Variants in C1orf159 observed in about 807,000 individuals in gnomAD.
C1orf159 encodes chromosome 1 open reading frame 159.
Under a neutral mutation model 25.6 loss-of-function variants are expected in C1orf159, and 19 were observed. That is an observed-to-expected ratio of 0.74 (90% CI 0.52 to 1.09). C1orf159 has a LOEUF of 1.09. Ranked by LOEUF, C1orf159 falls within the 50% of genes least tolerant of loss-of-function variation. The pLI is 0.00. For missense variants in C1orf159, 274 were observed against 290.6 expected (o/e 0.94, Z 0.42); for synonymous variants, 139 against 124.7 (o/e 1.12, Z -0.77).
intron 2 of C1orf159, 159 bp from the exon 3 acceptor site, chr1:1,091,724 T>A (rs371882893): frequency 2.3e-5 from 2 of 85,220 alleles, no homozygotes; most frequent in East Asian, 3.5e-4. Flanking sequence ...TGGTGGAGGG[T>A]GGGGCCAAAT....
chr1:1,084,011 G>A (rs763076948), intron 9 of C1orf159: 11 of 1,605,888 alleles, frequency 6.8e-6, no homozygotes, highest in East Asian at 2.2e-5. Flanking sequence ...CTCGGGTGGA[G>A]CTGGACTTCA....
Position 1,087,789 on chromosome 1 carries a change from G to A in C1orf159, c.149-192C>T, listed in dbSNP as rs528584093. 9.9e-5 allele frequency among the ~76,000 whole-genome samples: 15 copies of A among 151,930 alleles called. No individual in the cohort carries two copies. Among genetic ancestry groups the A allele is most frequent in the African/African-American group, 3.6e-4 (15 of 41,404 alleles). On this transcript the variant is annotated intron_variant, in intron 4 of 9. Transcript: ENST00000421241. The surrounding 1 kb of genome is among the most constrained non-coding windows in gnomAD (Gnocchi z 8.3). The stretch of plus-strand genomic sequence containing the variant: ...CGGGGCCGTGAGCACCCCACGCTGA[G>A]TACTCCACACTGCGCACCCTGACCC...
At chr1:1,094,882 C>G (rs532746586) in intron 1 of C1orf159, among the ~76,000 whole-genome samples, 1 of 152,326 alleles carries the variant, frequency 6.6e-6, no homozygotes, top group African/African-American at 2.4e-5. Flanking sequence ...AGAAGTGTTA[C>G]AGTTTTAGCT....
Position 1,091,031 on chromosome 1 carries a change from G to A in C1orf159, c.72+441C>T, listed in dbSNP as rs201868823. The stretch of plus-strand genomic sequence containing the variant: ...GCGTCCAGGGGTGACTGCGGAGTGC[G>A]GGATAGAATCCACACCGCCAGGGAG... On this transcript the variant is annotated intron_variant, in intron 3 of 9. Coordinates refer to ENST00000421241, the MANE Select transcript of C1orf159 (RefSeq NM_017891.5). The A allele has an allele frequency of 1.7e-4, 242 of 1,437,162 alleles. 1 individual carries two copies. The highest frequency in any genetic ancestry group is 1.4e-3 in the South Asian group (109 of 79,554). The allele number at this position is 1,437,162 out of a possible 1,614,324, so 89.0% of individuals were successfully genotyped here. A position where few individuals can be genotyped will look rare whatever the true frequency, so the allele number is the denominator to read the frequency against.
chr1:1,103,331 TTG>T (rs1646128242), intron 1 of C1orf159, among the ~76,000 whole-genome samples: 1 of 152,230 alleles, frequency 6.6e-6, no homozygotes, highest in Non-Finnish European at 1.5e-5. Flanking sequence ...TTGATATCTG[TTG>T]TCTTTCCCTT....
rs570712475 is a variant in C1orf159 at position 1,097,199 on chromosome 1, C to T, written c.-135-5096G>A. Among the ~76,000 whole-genome samples, 2 of 151,408 alleles carry T rather than the reference C, an allele frequency of 1.3e-5. 1 individual carries two copies. Among genetic ancestry groups the T allele is most frequent in the East Asian group, 3.9e-4 (2 of 5,124 alleles). On this transcript the variant is annotated intron_variant, in intron 1 of 9. Coordinates refer to ENST00000421241, the MANE Select transcript of C1orf159 (RefSeq NM_017891.5). ...TCGGCTCACTGCAACCTCTGCCTCC[C>T]GGGTTCAAGCGATTCTTGTGCCTCA... is the stretch of plus-strand genomic sequence containing the variant.
chr1:1,090,761 G>A, intron 3 of C1orf159: 1 of 925,020 alleles, frequency 1.1e-6, no homozygotes, highest in Non-Finnish European at 1.7e-6. Context: ...CTCTCCATCA[G>A]GGGTTTCCGC....
intron 1 of C1orf159, among the ~76,000 whole-genome samples, chr1:1,111,872 A>AT (rs1001577424): frequency 9.3e-4 from 142 of 152,348 alleles, no homozygotes; most frequent in African/African-American, 3.2e-3. Flanking sequence ...TAAGGGCCCA[A>AT]TAAGAACTGT....
chr1:1,084,734 C>T (rs558135661), intron 7 of C1orf159, among the ~76,000 whole-genome samples: 75 of 152,214 alleles, frequency 4.9e-4, no homozygotes, highest in African/African-American at 1.5e-3. Flanking sequence ...CTCACAGGTG[C>T]GGGGGCCTCC....
At chr1:1,098,216 T>C (rs6604964) in intron 1 of C1orf159, among the ~76,000 whole-genome samples, 41,177 of 151,760 alleles carry the variant, frequency 0.27, 7,267 homozygotes, top group African/African-American at 0.51. Flanking sequence ...ATTACAGGTG[T>C]GCACCACCAC....
Position 1,087,074 on chromosome 1 carries a change from C to G in C1orf159, c.310+65G>C. 2 of 1,495,350 alleles carry G rather than the reference C, an allele frequency of 1.3e-6. No homozygotes were observed. The highest frequency in any genetic ancestry group is 1.8e-6 in the Non-Finnish European group (2 of 1,094,688). The allele number at this position is 1,495,350 out of a possible 1,614,324, so 92.6% of individuals were successfully genotyped here. On this transcript the variant is annotated intron_variant, in intron 6 of 9. Coordinates refer to ENST00000421241, the MANE Select transcript of C1orf159 (RefSeq NM_017891.5). This position sits in a 1 kb window ranked among gnomAD's most constrained non-coding sequence, Gnocchi z 8.3. ...GCTGCGTCAAGGGTGAGGGTCTGCA[C>G]TGGCTCCGACGGCCCCCAGCCCCCA...
chr1:1,092,213 T>C, intron 1 of C1orf159, 110 bp from the exon 2 acceptor site: 1 of 276,320 alleles, frequency 3.6e-6, no homozygotes, highest in Non-Finnish European at 7.3e-6. Flanking sequence ...TCCACACCCT[T>C]GCCGGCCCCT....
intron 1 of C1orf159, chr1:1,106,864 C>T: frequency 6.5e-6 from 1 of 152,694 alleles, no homozygotes; most frequent in Admixed American, 6.5e-5. Context: ...GCCCCGCACT[C>T]AGAGCACCTG....
At chr1:1,096,638 T>C (rs554164235) in intron 1 of C1orf159, among the ~76,000 whole-genome samples, 2 of 152,348 alleles carry the variant, frequency 1.3e-5, no homozygotes, top group South Asian at 4.1e-4. Flanking sequence ...CCATGCAGAT[T>C]TCCATTGCTT....
intron 3 of C1orf159, chr1:1,090,742 C>T: frequency 3.6e-6 from 3 of 832,166 alleles, no homozygotes; most frequent in Non-Finnish European, 6.0e-6. Context: ...CTCTGCAAGT[C>T]TCCGGAGGCT....
chr1:1,101,699 C>T (rs1355460953), intron 1 of C1orf159, among the ~76,000 whole-genome samples: 1 of 152,220 alleles, frequency 6.6e-6, no homozygotes, highest in East Asian at 1.9e-4. Flanking sequence ...TCAGCTCAGT[C>T]TTCACAGTGC....
At chr1:1,109,370 G>T (rs564796457) in intron 1 of C1orf159, among the ~76,000 whole-genome samples, 1 of 152,146 alleles carries the variant, frequency 6.6e-6, no homozygotes, top group Non-Finnish European at 1.5e-5. Flanking sequence ...CCAGGGGCTG[G>T]GGGGCAGGGA....
chr1:1,085,807 G>A (rs551566601), intron 7 of C1orf159, 71 bp downstream of exon 7: 1 of 1,570,686 alleles, frequency 6.4e-7, no homozygotes, highest in African/African-American at 1.3e-5. Flanking sequence ...TCCAGTCTCA[G>A]GCCCATCTCC....
intron 6 of C1orf159, among the ~76,000 whole-genome samples, chr1:1,086,425 G>C (rs1645831562): frequency 6.6e-6 from 1 of 152,240 alleles, no homozygotes; most frequent in Non-Finnish European, 1.5e-5. Flanking sequence ...CCTCAAGCTG[G>C]CAGCAGGTGC....
Sources: gnomAD v4.1 joint callset for allele counts (sites outside exome capture counted in the v4.1 genomes callset) on GRCh38, gnomAD v4.1.1 for gene constraint, Gnocchi (gnomAD v3.1) non-coding constraint, MANE v1.5 for transcripts, NCBI Gene and HGNC (gene_info 2026-07-23, HGNC 2026-07-21) for gene names.